CDH12: variants seen among roughly 807,000 people sequenced by gnomAD.
CDH12 encodes cadherin-12.
A neutral mutation model predicts 74.1 loss-of-function variants in CDH12; 41 were observed. The ratio of observed to expected loss-of-function variants is 0.55; its 90% CI spans 0.43 to 0.72. CDH12 has a LOEUF of 0.72. Among genes scored for constraint, CDH12 ranks in the 30% least tolerant of loss-of-function variants. The probability of loss-of-function intolerance (pLI) is 0.00; values close to 1 mark genes in which losing one functional copy is unlikely to be tolerated. For synonymous variants in CDH12, 399 were observed against 355.0 expected (o/e 1.12, Z -1.39); for missense variants, 945 against 977.2 (o/e 0.97, Z 0.44).
At chr5:22,428,745 C>T (rs1744045769) in intron 2 of CDH12, among the ~76,000 whole-genome samples, 1 of 152,182 alleles carries the variant, frequency 6.6e-6, no homozygotes, top group Non-Finnish European at 1.5e-5. Context: ...AGTCAGTTGT[C>T]TGGCCCAGTC....
intron 4 of CDH12, among the ~76,000 whole-genome samples, chr5:22,083,499 G>T (rs1213130595): frequency 3.3e-5 from 5 of 152,124 alleles, no homozygotes; most frequent in Non-Finnish European, 7.4e-5. Context: ...CAAATTGTAG[G>T]CACCAAGTAC....
intron 1 of CDH12, among the ~76,000 whole-genome samples, chr5:22,825,229 T>A (rs1020502505): frequency 2.0e-5 from 3 of 151,678 alleles, no homozygotes; most frequent in Non-Finnish European, 4.4e-5. Flanking sequence ...TGTGGGTATG[T>A]GTGTGTGTGT....
At chr5:21,803,728 T>C (rs1330328532) in intron 9 of CDH12, among the ~76,000 whole-genome samples, 4 of 152,204 alleles carry the variant, frequency 2.6e-5, no homozygotes, top group East Asian at 1.9e-4. Context: ...TAAAAATTTA[T>C]GTTTTCTAAA....
At chr5:22,252,032 A>C (rs1241691025) in intron 3 of CDH12, among the ~76,000 whole-genome samples, 2 of 152,052 alleles carry the variant, frequency 1.3e-5, no homozygotes, top group Admixed American at 1.3e-4. Context: ...TTTCTTCCAA[A>C]TGGTATCTAA....
chr5:22,359,390 T>C (rs1225951940), intron 3 of CDH12, among the ~76,000 whole-genome samples: 5 of 152,148 alleles, frequency 3.3e-5, no homozygotes, highest in Non-Finnish European at 7.3e-5. Flanking sequence ...CTATCCTAAA[T>C]ACATATGCAC....
At chr5:21,860,238 C>A (rs1750973550) in intron 6 of CDH12, among the ~76,000 whole-genome samples, 1 of 151,952 alleles carries the variant, frequency 6.6e-6, no homozygotes, top group South Asian at 2.1e-4. Context: ...TATCATGTGA[C>A]ACAAGATTTA....
At chr5:22,797,889 C>T (rs1340086907) in intron 1 of CDH12, among the ~76,000 whole-genome samples, 1 of 152,150 alleles carries the variant, frequency 6.6e-6, no homozygotes, top group East Asian at 1.9e-4. Flanking sequence ...ATAGCCCTGA[C>T]TCATAGTGTT....
intron 10 of CDH12, among the ~76,000 whole-genome samples, chr5:21,789,511 G>A (rs1207372996): frequency 6.6e-6 from 1 of 151,990 alleles, no homozygotes; most frequent in African/African-American, 2.4e-5. Flanking sequence ...GTAAATGAGC[G>A]TCTTTTATTT....
At chr5:22,416,144 G>A (rs1327302353) in intron 2 of CDH12, among the ~76,000 whole-genome samples, 1 of 118,404 alleles carries the variant, frequency 8.4e-6, no homozygotes, top group Non-Finnish European at 1.6e-5. Flanking sequence ...GCGCAATCTC[G>A]GCTCACTACA....
At position 22,472,769 on chromosome 5, in the gene CDH12, G is replaced by A. The variant is rs572509495; in HGVS notation, c.-428+32501C>T. Among the ~76,000 whole-genome samples the A allele has an allele frequency of 3.9e-5, 6 of 152,142 alleles. No individual in the cohort carries two copies. In the South Asian group the frequency reaches 1.2e-3, roughly 32 times the overall value. The stretch of plus-strand genomic sequence containing the variant: ...CCCAGAAACATGATCTAGGTTTATG[G>A]TATCTTGAACTGCTATTGAGATGGT... On this transcript the variant is annotated intron_variant, in intron 2 of 14. Coordinates refer to ENST00000382254, the MANE Select transcript of CDH12 (RefSeq NM_004061.5).
intron 3 of CDH12, among the ~76,000 whole-genome samples, chr5:22,340,018 A>T (rs1739773770): frequency 6.6e-6 from 1 of 152,188 alleles, no homozygotes; most frequent in Non-Finnish European, 1.5e-5. Flanking sequence ...CAATGGTTTC[A>T]TTTTAAACAC....
intron 1 of CDH12, among the ~76,000 whole-genome samples, chr5:22,833,066 T>A (rs983037945): frequency 1.3e-5 from 2 of 152,188 alleles, no homozygotes; most frequent in African/African-American, 2.4e-5. Context: ...ATGCCTAACT[T>A]TTTTCCTTAG....
At chr5:22,230,939 T>A (rs963596341) in intron 3 of CDH12, among the ~76,000 whole-genome samples, 12 of 152,218 alleles carry the variant, frequency 7.9e-5, no homozygotes, top group African/African-American at 2.9e-4. Flanking sequence ...TAAGTCACAC[T>A]AACATGGTCA....
In CDH12 at chr5:22,671,743, G is replaced by A. The variant is rs1476762328; in HGVS notation, c.-522-166379C>T. Among the ~76,000 whole-genome samples the A allele has an allele frequency of 2.0e-5, 3 of 152,064 alleles. No homozygotes were observed. In the East Asian group the frequency reaches 5.8e-4, roughly 29 times the overall value. On this transcript the variant is annotated intron_variant, in intron 1 of 14. Transcript: ENST00000382254. ...TGCAGCCACATCAACATAAAGAGAT[G>A]CTGGGAAAGATAAGCCAACTGTGAA...
intron 2 of CDH12, among the ~76,000 whole-genome samples, chr5:22,465,020 G>A (rs1745668648): frequency 8.3e-6 from 1 of 120,844 alleles, no homozygotes; most frequent in African/African-American, 3.1e-5. Context: ...GAGAGAGAGA[G>A]GAAGGAAGAA....
intron 5 of CDH12, among the ~76,000 whole-genome samples, chr5:22,009,925 C>T (rs1350304480): frequency 1.8e-5 from 2 of 108,902 alleles, no homozygotes; most frequent in Non-Finnish European, 3.4e-5. Context: ...TTGCAGTGAG[C>T]CAAGAAACTG....
chr5:22,050,447 AG>A (rs1210594028), intron 5 of CDH12, among the ~76,000 whole-genome samples: 1 of 152,192 alleles, frequency 6.6e-6, no homozygotes, highest in Non-Finnish European at 1.5e-5. Context: ...TGACACACAG[AG>A]GTTCACAATA....
At chr5:22,347,577 T>C (rs1740171840) in intron 3 of CDH12, among the ~76,000 whole-genome samples, 1 of 152,192 alleles carries the variant, frequency 6.6e-6, no homozygotes, top group African/African-American at 2.4e-5. Flanking sequence ...CACCTTGTGA[T>C]TCTTTGAGTC....
At chr5:22,756,846 A>G (rs4701299) in intron 1 of CDH12, among the ~76,000 whole-genome samples, 127,080 of 151,618 alleles carry the variant, frequency 0.84, 53,316 homozygotes, top group Non-Finnish European at 0.86. Context: ...TGTAATCCCA[A>G]CTACTCAGGA....
Sources: allele counts gnomAD v4.1 joint callset (sites outside exome capture counted in the v4.1 genomes callset), GRCh38; gene constraint gnomAD v4.1.1; transcripts MANE v1.5; gene names NCBI Gene and HGNC (gene_info 2026-07-23, HGNC 2026-07-21).